ATP6V1E1: variants seen among roughly 807,000 people sequenced by gnomAD.
The protein encoded by ATP6V1E1 is ATPase H+ transporting V1 subunit E1, also known as V-type proton ATPase subunit E 1.
In ATP6V1E1, 21 loss-of-function variants were observed where a neutral mutation model predicts 35.2. The observed-to-expected ratio is 0.60, with a 90% CI of 0.42 to 0.86. ATP6V1E1 has a LOEUF of 0.86. Ranked by LOEUF, ATP6V1E1 falls within the 40% of genes least tolerant of loss-of-function variation. The pLI is 0.00. For synonymous variants in ATP6V1E1, 83 were observed against 87.8 expected (o/e 0.95, Z 0.30); for missense variants, 183 against 272.6 (o/e 0.67, Z 2.32).
intron 4 of ATP6V1E1, among the ~76,000 whole-genome samples, chr22:17,608,194 G>T (rs192101877): frequency 6.6e-6 from 1 of 152,270 alleles, no homozygotes; most frequent in East Asian, 1.9e-4. Flanking sequence ...AATTCAAACA[G>T]CTTAGTGCCT....
At chr22:17,620,302 C>T (rs1028314787) in intron 1 of ATP6V1E1, among the ~76,000 whole-genome samples, 1 of 151,924 alleles carries the variant, frequency 6.6e-6, no homozygotes, top group South Asian at 2.1e-4. Context: ...CGCCCGCCAC[C>T]ATGCCTGGCT....
chr22:17,628,741 T>C lies in ATP6V1E1; in HGVS notation c.-106A>G, dbSNP rs566545631. ...ACCCCTGCGCAGATCTCGGGTTCCT[T>C]TACTTTATAACCGCGGGTTCCGGTT... On this transcript the variant is annotated 5_prime_UTR_variant, in exon 1 of 9. Transcript: ENST00000253413. The C allele has an allele frequency of 2.3e-4, 345 of 1,506,336 alleles. No individual in the cohort carries two copies. The highest frequency in any genetic ancestry group is 3.9e-4 in the Admixed American group (23 of 59,536). The allele number at this position is 1,506,336 out of a possible 1,614,324, so 93.3% of individuals were successfully genotyped here.
intron 4 of ATP6V1E1, among the ~76,000 whole-genome samples, chr22:17,602,666 C>T (rs1190949894): frequency 2.0e-5 from 3 of 152,026 alleles, no homozygotes; most frequent in East Asian, 1.9e-4. Context: ...TGAGCCACCA[C>T]GCCTGGCCAT....
intron 2 of ATP6V1E1, among the ~76,000 whole-genome samples, chr22:17,617,212 G>A (rs976047940): frequency 1.3e-5 from 2 of 152,132 alleles, no homozygotes; most frequent in Non-Finnish European, 2.9e-5. Context: ...TATTTCTAGA[G>A]TACCAGGCAC....
intron 1 of ATP6V1E1, among the ~76,000 whole-genome samples, chr22:17,628,073 C>T (rs1014293303): frequency 6.6e-5 from 10 of 151,492 alleles, no homozygotes; most frequent in African/African-American, 2.4e-4. Context: ...CAACCTCCGC[C>T]TCCGGGTTCA....
intron 1 of ATP6V1E1, among the ~76,000 whole-genome samples, chr22:17,622,169 G>A (rs2057880792): frequency 6.6e-6 from 1 of 152,146 alleles, no homozygotes; most frequent in Non-Finnish European, 1.5e-5. Flanking sequence ...GCTAAAAATT[G>A]ACGTAGGATC....
intron 4 of ATP6V1E1, among the ~76,000 whole-genome samples, chr22:17,611,167 A>G (rs2057813533): frequency 6.6e-6 from 1 of 152,210 alleles, no homozygotes; most frequent in African/African-American, 2.4e-5. Flanking sequence ...CAGTCAATCC[A>G]AGTTGCTAAA....
At chr22:17,626,862 A>G (rs1182500485) in intron 1 of ATP6V1E1, among the ~76,000 whole-genome samples, 1 of 151,908 alleles carries the variant, frequency 6.6e-6, no homozygotes, top group Non-Finnish European at 1.5e-5. Context: ...AAAATTTTTT[A>G]GAGATAAGGT....
chr22:17,608,063 T>C (rs1490921687), intron 4 of ATP6V1E1, among the ~76,000 whole-genome samples: 1 of 152,190 alleles, frequency 6.6e-6, no homozygotes, highest in Non-Finnish European at 1.5e-5. Flanking sequence ...CCATGACTAA[T>C]ACTTCAAGTC....
Position 17,605,794 on chromosome 22 carries a change from G to C in ATP6V1E1, c.277-4613C>G, listed in dbSNP as rs767279169. 2.8e-5 allele frequency among the ~76,000 whole-genome samples: 4 copies of C among 144,226 alleles called. No individual in the cohort carries two copies. The South Asian group carries it at 8.9e-4, about 32-fold the overall frequency. The allele number at this position is 144,226 out of a possible 152,430, so 94.6% of individuals were successfully genotyped here. A position where few individuals can be genotyped will look rare whatever the true frequency, so the allele number is the denominator to read the frequency against. Reference sequence around the variant, plus strand: ...CTCAATCCTCCTGCCTCTGCCTCCAGAGTAGCTGGGACACCACCACGCCTG... The same window carrying C: ...CTCAATCCTCCTGCCTCTGCCTCCACAGTAGCTGGGACACCACCACGCCTG... On this transcript the variant is annotated intron_variant, in intron 4 of 8. Transcript: ENST00000253413.
intron 3 of ATP6V1E1, 90 bp downstream of exon 3, chr22:17,613,121 G>T: frequency 1.8e-6 from 2 of 1,131,054 alleles, no homozygotes; most frequent in Non-Finnish European, 2.6e-6. Context: ...GTCGAGTTAA[G>T]ACCTGAATTT....
chr22:17,614,952 T>C (rs1180540569), intron 2 of ATP6V1E1, among the ~76,000 whole-genome samples: 1 of 131,638 alleles, frequency 7.6e-6, no homozygotes, highest in Non-Finnish European at 1.6e-5. Context: ...GAGACACCGT[T>C]TCAAAAAAAA....
intron 5 of ATP6V1E1, chr22:17,600,646 T>C (rs2057757682): frequency 6.5e-6 from 1 of 154,742 alleles, no homozygotes. Flanking sequence ...CATCTTATAT[T>C]ACATCAACCA....
chr22:17,626,100 A>T (rs921870271), intron 1 of ATP6V1E1, among the ~76,000 whole-genome samples: 10 of 151,818 alleles, frequency 6.6e-5, no homozygotes, highest in Non-Finnish European at 1.3e-4. Context: ...AGGTCAGGAG[A>T]TCAAGACCAT....
At chr22:17,600,314 T>C (rs1002741263) in intron 5 of ATP6V1E1, among the ~76,000 whole-genome samples, 1 of 152,050 alleles carries the variant, frequency 6.6e-6, no homozygotes, top group Non-Finnish European at 1.5e-5. Flanking sequence ...TATGTGCCTA[T>C]AATCCCAGAT....
intron 4 of ATP6V1E1, among the ~76,000 whole-genome samples, chr22:17,609,199 C>T (rs922134194): frequency 6.6e-6 from 1 of 151,958 alleles, no homozygotes; most frequent in South Asian, 2.1e-4. Flanking sequence ...CTCACTCTGT[C>T]GCCCAGGCTG....
chr22:17,619,258 C>A, intron 2 of ATP6V1E1: 3 of 572,052 alleles, frequency 5.2e-6, no homozygotes, highest in Non-Finnish European at 9.3e-6. Context: ...CGCCATTGCA[C>A]TTCAGCCTGG....
At chr22:17,618,342 T>TA (rs2057856943) in intron 2 of ATP6V1E1, among the ~76,000 whole-genome samples, 1 of 152,108 alleles carries the variant, frequency 6.6e-6, no homozygotes, top group African/African-American at 2.4e-5. Flanking sequence ...ATGTTAAAGA[T>TA]ACAGACATTT....
chr22:17,612,580 C>T (rs2057820702), intron 4 of ATP6V1E1: 1 of 449,658 alleles, frequency 2.2e-6, no homozygotes, highest in Non-Finnish European at 4.0e-6. Context: ...ACTGTGCGGT[C>T]CACCCATAGT....
Sources: gnomAD v4.1 joint callset for allele counts (sites outside exome capture counted in the v4.1 genomes callset) on GRCh38, gnomAD v4.1.1 for gene constraint, MANE v1.5 for transcripts, NCBI Gene and HGNC (gene_info 2026-07-23, HGNC 2026-07-21) for gene names.